The following ATAD2 variants were observed in gnomAD, a reference collection of about 807,000 sequenced individuals.
ATAD2 encodes ATPase family AAA domain containing 2.
Under a neutral mutation model 168.9 loss-of-function variants are expected in ATAD2, and 62 were observed. The observed-to-expected ratio is 0.37, with a 90% confidence interval of 0.30 to 0.45. The LOEUF (loss-of-function observed/expected upper bound fraction) is 0.45. Among genes scored for constraint, ATAD2 ranks in the 20% least tolerant of loss-of-function variants. The pLI is 1.00. For synonymous variants in ATAD2, 613 were observed against 571.6 expected, an observed-to-expected ratio of 1.07 and a Z score of -1.03; for missense variants, 1,419 against 1,667.8, an observed-to-expected ratio of 0.85 and a Z score of 2.60.
intron 1 of ATAD2, among the ~76,000 whole-genome samples, chr8:123,382,204 C>T (rs553534363): frequency 7.6e-4 from 115 of 152,250 alleles, no homozygotes; most frequent in African/African-American, 2.7e-3. Context: ...GGATCACATC[C>T]CAGGCTGGCT....
intron 25 of ATAD2, among the ~76,000 whole-genome samples, chr8:123,326,679 A>G (rs1827625007): frequency 6.6e-6 from 1 of 152,148 alleles, no homozygotes. Flanking sequence ...CTCTGTCTCA[A>G]AACAAACAAA....
At chr8:123,413,177 A>G (rs1813186386) in intron 1 of ATAD2, among the ~76,000 whole-genome samples, 1 of 150,890 alleles carries the variant, frequency 6.6e-6, no homozygotes, top group South Asian at 2.1e-4. Flanking sequence ...AATGGTATTT[A>G]CACTGACCAA....
chr8:123,398,572 C>T (rs1028930696), upstream of ATAD2, among the ~76,000 whole-genome samples: 4 of 152,172 alleles, frequency 2.6e-5, no homozygotes, highest in South Asian at 2.1e-4. Context: ...AGTGCAGTGG[C>T]GCAGCCACGG....
chr8:123,324,268 G>C (rs772505625), intron 26 of ATAD2, among the ~76,000 whole-genome samples: 3 of 152,114 alleles, frequency 2.0e-5, no homozygotes, highest in Non-Finnish European at 4.4e-5. Flanking sequence ...AGTACTAACA[G>C]GTTCACTTTG....
chr8:123,355,358 C>A (rs920184655), intron 13 of ATAD2, among the ~76,000 whole-genome samples: 1 of 152,000 alleles, frequency 6.6e-6, no homozygotes, highest in Non-Finnish European at 1.5e-5. Flanking sequence ...TAGGATATTC[C>A]AAATTAATCA....
intron 1 of ATAD2, among the ~76,000 whole-genome samples, chr8:123,390,128 A>G (rs7825266): frequency 0.02 from 2,995 of 151,310 alleles, 106 homozygotes; most frequent in African/African-American, 0.07. Flanking sequence ...ACAGGTGCAC[A>G]CTGCCACATC....
At chr8:123,396,522 A>T (rs1362057813), upstream of ATAD2, 6 of 677,598 alleles carry the variant, frequency 8.9e-6, no homozygotes, top group Non-Finnish European at 1.4e-5. Flanking sequence ...CGCCCACGCC[A>T]CCACCGTAGA....
At chr8:123,352,873 G>A (rs1828517018) in intron 13 of ATAD2, among the ~76,000 whole-genome samples, 1 of 151,702 alleles carries the variant, frequency 6.6e-6, no homozygotes, top group Admixed American at 6.6e-5. Flanking sequence ...AGACCAACCT[G>A]GGCAACAGAG....
chr8:123,374,098 C>T (rs995570481), intron 2 of ATAD2, among the ~76,000 whole-genome samples: 14 of 152,068 alleles, frequency 9.2e-5, no homozygotes, highest in African/African-American at 3.4e-4. Context: ...GGCACAGTGG[C>T]TCATGCCTGT....
intron 14 of ATAD2, 78 bp from the exon 15 acceptor site, chr8:123,348,351 A>G: frequency 8.8e-7 from 1 of 1,142,674 alleles, no homozygotes; most frequent in Non-Finnish European, 1.2e-6. Flanking sequence ...TGATTAAAAT[A>G]CTTTTGATTA....
chr8:123,326,112 G>T, intron 25 of ATAD2, 86 bp from the exon 26 acceptor site: 2 of 1,401,180 alleles, frequency 1.4e-6, no homozygotes, highest in Non-Finnish European at 1.9e-6. Context: ...AGATTAAACA[G>T]GGCATGTTTA....
At chr8:123,365,216 T>C (rs1408441002) in intron 8 of ATAD2, among the ~76,000 whole-genome samples, 2 of 152,144 alleles carry the variant, frequency 1.3e-5, no homozygotes, top group African/African-American at 4.8e-5. Context: ...GGAATATACC[T>C]AACCAAAGAG....
intron 13 of ATAD2, among the ~76,000 whole-genome samples, chr8:123,354,864 A>AAATATATATATAT (rs1554644338): frequency 1.5e-5 from 1 of 64,714 alleles, no homozygotes; most frequent in African/African-American, 8.7e-5. Context: ...AAAAAAAAAA[A>AAATATATATATAT]ATATATATAT....
At chr8:123,403,471 G>A (rs1300026656) in intron 1 of ATAD2, among the ~76,000 whole-genome samples, 1 of 151,608 alleles carries the variant, frequency 6.6e-6, no homozygotes, top group Non-Finnish European at 1.5e-5. Context: ...TGTTGCCCAG[G>A]CTGCAGTGCA....
intron 5 of ATAD2, 114 bp from the exon 6 acceptor site, chr8:123,371,104 A>G: frequency 1.8e-6 from 2 of 1,113,022 alleles, no homozygotes; most frequent in Non-Finnish European, 2.5e-6. Flanking sequence ...AAACTCTTAC[A>G]TTTCCAGCAG....
intron 2 of ATAD2, among the ~76,000 whole-genome samples, chr8:123,373,817 T>C (rs941776409): frequency 6.8e-6 from 1 of 147,132 alleles, no homozygotes; most frequent in Non-Finnish European, 1.5e-5. Context: ...AAAAATCTAC[T>C]AAGCAAAACA....
chr8:123,369,895 CCAT>C lies in ATAD2; in HGVS notation c.854_856del (p.Asp285del). ...ATATCGCTTCTGATTCTCTTCTTCT[CCAT>C]CTTCTTCATCTTCATCATCTTCATC... On this transcript the variant is annotated inframe_deletion, in exon 7 of 28. Transcript: ENST00000287394. 1 of 1,609,260 alleles carries C rather than the reference CCAT, an allele frequency of 6.2e-7. No individual in the cohort carries two copies. The highest frequency in any genetic ancestry group is 8.5e-7 in the Non-Finnish European group (1 of 1,177,922).
intron 27 of ATAD2, among the ~76,000 whole-genome samples, chr8:123,322,131 G>A (rs928708758): frequency 1.3e-5 from 2 of 151,916 alleles, no homozygotes; most frequent in Non-Finnish European, 2.9e-5. Context: ...AGGACTATGG[G>A]TGCACACCAC....
intron 1 of ATAD2, among the ~76,000 whole-genome samples, chr8:123,390,854 C>A (rs1397941406): frequency 6.6e-6 from 1 of 152,004 alleles, no homozygotes. Flanking sequence ...ACTAAAAATA[C>A]AAAAATTAGC....
Sources: allele counts gnomAD v4.1 joint callset (sites outside exome capture counted in the v4.1 genomes callset), GRCh38; gene constraint gnomAD v4.1.1; transcripts MANE v1.5; gene names NCBI Gene and HGNC (gene_info 2026-07-23, HGNC 2026-07-21).